The following BIRC6 variants were observed in gnomAD, a reference collection of about 807,000 sequenced individuals.
BIRC6 encodes the protein dual E2 ubiquitin-conjugating enzyme/E3 ubiquitin-protein ligase BIRC6.
BIRC6 carries 98 observed loss-of-function variants against 503.3 expected under a neutral mutation model. That is an observed-to-expected ratio of 0.19 (90% confidence interval 0.17 to 0.23). BIRC6 has a LOEUF of 0.23. Ranked by LOEUF, BIRC6 falls within the 10% of genes least tolerant of loss-of-function variation. BIRC6 has a pLI of 1.00. For synonymous variants in BIRC6, 2,240 were observed against 2,078.7 expected (o/e 1.08, Z -2.11); for missense variants, 5,360 against 5,806.0 (o/e 0.92, Z 2.50).
intron 6 of BIRC6, among the ~76,000 whole-genome samples, chr2:32,400,335 TC>T (rs2040459157): frequency 6.8e-6 from 1 of 146,846 alleles, no homozygotes; most frequent in Non-Finnish European, 1.5e-5. Flanking sequence ...TGCTTTCAGA[TC>T]TTTTTTTTTT....
chr2:32,407,266 T>G (rs185138627), intron 9 of BIRC6, among the ~76,000 whole-genome samples: 36 of 152,044 alleles, frequency 2.4e-4, no homozygotes, highest in Non-Finnish European at 1.5e-4. Flanking sequence ...GCCAACATGG[T>G]GAAACCCCGT....
Position 32,491,476 on chromosome 2 carries a change from T to C in BIRC6, c.8258T>C (p.Val2753Ala). 6.2e-7 allele frequency: 1 copy of C among 1,613,648 alleles called. No individual in the cohort carries two copies. The highest frequency in any genetic ancestry group is 8.5e-7 in the Non-Finnish European group (1 of 1,179,692). Residue 2753 changes from valine to alanine, a missense_variant, in exon 44 of 74, where the codon GTT becomes GCT. Coordinates refer to ENST00000421745, the MANE Select transcript of BIRC6 (RefSeq NM_016252.4). ...GTQESTAHLL[V>A]SDPNLIHVLV... ...CAGGAGAGTACTGCTCATTTGTTGG[T>C]TTCAGATCCAAACCTAATTCATGTA...
Position 32,357,169 on chromosome 2 carries a change from C to G in BIRC6, c.8C>G (p.Thr3Ser). ...CTTGCCCCCTGGCCCCGGATGGTGA[C>G]TGGTGGTGGTGCTGCACCTCCCGGG... MV[T>S]GGGAAPPGTV... The change falls in exon 1 of 74, where the codon ACT becomes AGT. Residue 3 changes from threonine to serine, a missense_variant. By Grantham distance (58) the Thr-to-Ser change is moderately conservative. This residue lies in a region of BIRC6 where 145 missense variants were observed against 106.9 expected (regional missense o/e 1.36). Transcript: ENST00000421745. This position sits in a 1 kb window ranked among gnomAD's most constrained non-coding sequence, Gnocchi z 4.9. 6.6e-7 allele frequency: 1 copy of G among 1,521,834 alleles called. No homozygotes were observed. Among genetic ancestry groups the G allele is most frequent in the Non-Finnish European group, 8.7e-7 (1 of 1,144,850 alleles). 94.3% of individuals were successfully genotyped at this position (1,521,834 alleles called of 1,614,324 possible). A position where few individuals can be genotyped will look rare whatever the true frequency, so the allele number is the denominator to read the frequency against.
intron 24 of BIRC6, 84 bp downstream of exon 24, chr2:32,463,465 A>G: frequency 3.0e-6 from 4 of 1,343,592 alleles, no homozygotes; most frequent in Non-Finnish European, 4.0e-6. Context: ...CATTATTTTC[A>G]TAAAGAAACG....
chr2:32,516,887 T>G (rs2055108705), intron 55 of BIRC6, among the ~76,000 whole-genome samples: 1 of 152,178 alleles, frequency 6.6e-6, no homozygotes, highest in African/African-American at 2.4e-5. Context: ...GTAACATACC[T>G]AGCATAGAGC....
rs1396889605 is a variant in BIRC6, at chr2:32,532,350, G to T, written c.12291+799G>T. On this transcript the variant is annotated intron_variant, in intron 61 of 73. Transcript: ENST00000421745. The stretch of plus-strand genomic sequence containing the variant: ...CCCTCTGAATTCAGGCTGTAGGGAA[G>T]ACTCCTTCCTTGCTTCTTCCTGGCT... 4 of 432,506 alleles carry T rather than the reference G, an allele frequency of 9.2e-6. No individual in the cohort carries two copies. The East Asian group carries it at 2.3e-4, about 25-fold the overall frequency. 26.8% of individuals were successfully genotyped at this position (432,506 alleles called of 1,614,324 possible).
At chr2:32,381,568 C>CA (rs1162909030) in intron 3 of BIRC6, among the ~76,000 whole-genome samples, 1 of 139,762 alleles carries the variant, frequency 7.2e-6, no homozygotes, top group Non-Finnish European at 1.5e-5. Context: ...TGGTTCGAGA[C>CA]AGAGTCTCAC....
intron 23 of BIRC6, among the ~76,000 whole-genome samples, chr2:32,454,524 G>C (rs555831351): frequency 6.6e-6 from 1 of 151,312 alleles, no homozygotes; most frequent in Non-Finnish European, 1.5e-5. Context: ...TTTATTTACA[G>C]TTACTTCTAT....
chr2:32,615,932 C>T (rs531563227), intron 73 of BIRC6, among the ~76,000 whole-genome samples: 3 of 152,234 alleles, frequency 2.0e-5, no homozygotes, highest in South Asian at 2.1e-4. Context: ...CAGACCCGGC[C>T]GACACAATTT....
chr2:32,591,389 C>A (rs1056627028), intron 66 of BIRC6, among the ~76,000 whole-genome samples: 7 of 152,028 alleles, frequency 4.6e-5, no homozygotes, highest in Admixed American at 3.9e-4. Context: ...AATTTATCAT[C>A]CTAACCTTGT....
intron 61 of BIRC6, among the ~76,000 whole-genome samples, chr2:32,534,251 G>A (rs1299652501): frequency 1.3e-5 from 2 of 150,976 alleles, no homozygotes; most frequent in African/African-American, 4.9e-5. Flanking sequence ...GTGGGTGCCT[G>A]TTATCCCAGC....
Position 32,485,719 on chromosome 2 carries a change from A to G in BIRC6, c.7773A>G (p.Ala2591=), listed in dbSNP as rs1195877491. The change falls in exon 40 of 74, where the codon GCA becomes GCG. Residue 2591 remains alanine, a synonymous_variant. Coordinates refer to ENST00000421745, the MANE Select transcript of BIRC6 (RefSeq NM_016252.4). Reference sequence around the variant, plus strand: ...TGAAAATGATGTCTACTCTGGAGGCAGATTCCATTTTACAGGCATTAACAA... The same window carrying G: ...TGAAAATGATGTCTACTCTGGAGGCGGATTCCATTTTACAGGCATTAACAA... ...LMLKMMSTLE[A]DSILQALTNT... is the part of the protein sequence containing the mutation. 1.2e-6 allele frequency: 2 copies of G among 1,613,676 alleles called. No homozygotes were observed. The highest frequency in any genetic ancestry group is 3.3e-5 in the Admixed American group (2 of 60,018).
chr2:32,525,216 A>G (rs2056158416), intron 58 of BIRC6, among the ~76,000 whole-genome samples, 197 bp downstream of exon 58: 1 of 151,958 alleles, frequency 6.6e-6, no homozygotes, highest in African/African-American at 2.4e-5. Context: ...TCTGTATTTC[A>G]GAGATTATAG....
chr2:32,487,409 T>A (rs1288965200), intron 40 of BIRC6, among the ~76,000 whole-genome samples: 1 of 152,186 alleles, frequency 6.6e-6, no homozygotes, highest in Non-Finnish European at 1.5e-5. Context: ...TTCTTTGCCT[T>A]TTTTTGTTGG....
At chr2:32,412,658 T>TC (rs946827073) in intron 9 of BIRC6, among the ~76,000 whole-genome samples, 8 of 148,124 alleles carry the variant, frequency 5.4e-5, no homozygotes, top group African/African-American at 1.7e-4. Flanking sequence ...TTCCTAGTTA[T>TC]TTTTTTTTTT....
In BIRC6 at chr2:32,415,286, A is replaced by C. The variant is rs754499274; in HGVS notation, c.1995A>C (p.Pro665=). Residue 665 remains proline, a synonymous_variant, in exon 10 of 74, where the codon CCA becomes CCC. Coordinates refer to ENST00000421745, the MANE Select transcript of BIRC6 (RefSeq NM_016252.4). ...TGCATGATGATGGTTTTACTGTTCC[A>C]CAGATTATTGAAATGGAGCTGGATA... ...KSLHDDGFTV[P]QIIEMELDSQ... 1 of 1,613,926 alleles carries C rather than the reference A, an allele frequency of 6.2e-7. No homozygotes were observed. The highest frequency in any genetic ancestry group is 1.3e-5 in the African/African-American group (1 of 74,942).
chr2:32,597,725 G>C lies in BIRC6; in HGVS notation c.13613-26G>C, dbSNP rs751839167. 3.2e-6 allele frequency: 5 copies of C among 1,561,210 alleles called. No individual in the cohort carries two copies. In the Admixed American group the frequency reaches 5.1e-5, roughly 16 times the overall value. ...ATTATAACAATTTTTTGCAGTTCTG[G>C]GTTTTATTTTTTCTTCTCCTTTTAG... On this transcript the variant is annotated intron_variant, in intron 68 of 73. Transcript: ENST00000421745.
chr2:32,380,384 C>T (rs2037446099), intron 3 of BIRC6, 94 bp downstream of exon 3: 13 of 1,396,680 alleles, frequency 9.3e-6, no homozygotes, highest in Non-Finnish European at 1.2e-5. Context: ...TGGAAATGTT[C>T]TAATTCTAGA....
At chr2:32,450,661 C>G (rs2046607056) in intron 22 of BIRC6, among the ~76,000 whole-genome samples, 1 of 152,080 alleles carries the variant, frequency 6.6e-6, no homozygotes, top group Non-Finnish European at 1.5e-5. Context: ...ATTTTTCCAC[C>G]AGTGTATGCA....
Sources: gnomAD v4.1 joint callset for allele counts (sites outside exome capture counted in the v4.1 genomes callset) on GRCh38, gnomAD v4.1.1 for gene constraint, gnomAD v4.1.1 regional missense constraint, Gnocchi (gnomAD v3.1) non-coding constraint, MANE v1.5 for transcripts, NCBI Gene and HGNC (gene_info 2026-07-23, HGNC 2026-07-21) for gene names.